Variants in LCORL observed in about 807,000 individuals in gnomAD.
The protein encoded by LCORL is ligand-dependent nuclear receptor corepressor-like protein.
Under a neutral mutation model 141.8 loss-of-function variants are expected in LCORL, and 41 were observed. The observed-to-expected ratio is 0.29, with a 90% CI of 0.23 to 0.38. LCORL has a LOEUF of 0.38. Ranked by LOEUF, LCORL falls within the 10% of genes least tolerant of loss-of-function variation. The pLI, the probability that LCORL is intolerant of heterozygous loss-of-function variation, is 1.00. For missense variants in LCORL, 1,759 were observed against 2,035.0 expected, an observed-to-expected ratio of 0.86 and a Z score of 2.61; for synonymous variants, 618 against 694.1, an observed-to-expected ratio of 0.89 and a Z score of 1.72.
chr4:17,924,216 G>C (rs141743829), intron 4 of LCORL, among the ~76,000 whole-genome samples: 9 of 152,162 alleles, frequency 5.9e-5, no homozygotes, highest in African/African-American at 1.9e-4. Flanking sequence ...TCACCAATGG[G>C]TGACCTCAGC....
At chr4:17,845,339 T>C (rs1445335906) in exon 8 of LCORL, 1 of 157,588 alleles carries the variant, frequency 6.3e-6, no homozygotes, top group East Asian at 1.9e-4. Context: ...GGTATCCACC[T>C]GTTTTACAAC....
At chr4:17,882,396 C>T (rs1226140168) in intron 6 of LCORL, 1 of 984,286 alleles carries the variant, frequency 1.0e-6, no homozygotes, top group Non-Finnish European at 1.2e-6. Flanking sequence ...AACATTTTAC[C>T]ACTACAGTTG....
chr4:17,849,712 A>C (rs996043264), intron 7 of LCORL, among the ~76,000 whole-genome samples: 11 of 152,196 alleles, frequency 7.2e-5, no homozygotes, highest in Non-Finnish European at 1.6e-4. Flanking sequence ...TGCCCAAGGT[A>C]ATTTATAGAT....
chr4:17,911,843 G>A (rs967899152), intron 4 of LCORL: 2 of 456,666 alleles, frequency 4.4e-6, no homozygotes, highest in Non-Finnish European at 4.2e-6. Context: ...TTCCAGGGCG[G>A]CTTGAGGTCC....
At chr4:17,966,928 A>G (rs916198645) in intron 2 of LCORL, among the ~76,000 whole-genome samples, 1 of 152,168 alleles carries the variant, frequency 6.6e-6, no homozygotes, top group African/African-American at 2.4e-5. Context: ...CTAAATATTT[A>G]CCCAAATGAG....
chr4:17,930,341 C>T (rs957721251), intron 4 of LCORL, among the ~76,000 whole-genome samples: 2 of 152,172 alleles, frequency 1.3e-5, no homozygotes, highest in Non-Finnish European at 2.9e-5. Context: ...CGTTTCCACA[C>T]ACAAACACGA....
intron 1 of LCORL, among the ~76,000 whole-genome samples, chr4:17,978,009 C>T (rs1717296052): frequency 2.0e-5 from 3 of 152,132 alleles, no homozygotes; most frequent in Admixed American, 2.0e-4. Context: ...CTAAATCCTC[C>T]ATTTCCCTCT....
Position 17,954,641 on chromosome 4 carries a change from T to C in LCORL, c.430+7262A>G, listed in dbSNP as rs150630247. Among the ~76,000 whole-genome samples the C allele has an allele frequency of 3.2e-3, 486 of 152,258 alleles. 2 individuals are homozygous for C. The highest frequency in any genetic ancestry group is 0.011 in the African/African-American group (441 of 41,552). ...CTAGTTAGAAGGCTCCTTAGTAGTA[T>C]AACCAGACCAGATGGGCCTCAGATT... On this transcript the variant is annotated intron_variant, in intron 4 of 7. Coordinates refer to ENST00000635767, the Ensembl canonical transcript of LCORL.
chr4:17,976,920 G>C (rs1049088747), intron 1 of LCORL, among the ~76,000 whole-genome samples: 4 of 152,100 alleles, frequency 2.6e-5, no homozygotes, highest in Admixed American at 2.6e-4. Flanking sequence ...GCAGTTTCAT[G>C]ATTATGTGTC....
chr4:17,855,430 C>T (rs1039859969), intron 7 of LCORL, among the ~76,000 whole-genome samples: 22 of 152,150 alleles, frequency 1.4e-4, no homozygotes, highest in African/African-American at 2.9e-4. Flanking sequence ...TGGTTTATAA[C>T]GTTCCGAAAC....
chr4:17,981,081 A>G (rs565337862), intron 1 of LCORL, among the ~76,000 whole-genome samples: 54 of 152,320 alleles, frequency 3.5e-4, no homozygotes, highest in South Asian at 2.9e-3. Context: ...GTTCATTTGT[A>G]TAAGTACATA....
intron 1 of LCORL, among the ~76,000 whole-genome samples, chr4:17,990,108 T>C (rs1270763891): frequency 6.7e-6 from 1 of 150,232 alleles, no homozygotes; most frequent in Non-Finnish European, 1.5e-5. Context: ...TTTTTTTTTT[T>C]TTTTTTTTGA....
At chr4:17,918,393 A>T (rs959463719) in intron 4 of LCORL, among the ~76,000 whole-genome samples, 1 of 152,208 alleles carries the variant, frequency 6.6e-6, no homozygotes, top group Non-Finnish European at 1.5e-5. Flanking sequence ...TATTGAACTT[A>T]TTAGACAAAA....
At chr4:18,016,388 T>C (rs1724641250) in intron 1 of LCORL, among the ~76,000 whole-genome samples, 1 of 152,202 alleles carries the variant, frequency 6.6e-6, no homozygotes, top group Non-Finnish European at 1.5e-5. Context: ...GTTTATTTGC[T>C]GTTTTACACT....
Position 17,875,558 on chromosome 4 carries a change from AAC to A in LCORL, c.3430_3431del (p.Val1144TyrfsTer9), listed in dbSNP as rs1726831728. 2 of 1,231,272 alleles carry A rather than the reference AAC, an allele frequency of 1.6e-6. No individual in the cohort carries two copies. Among genetic ancestry groups the A allele is most frequent in the Non-Finnish European group, 2.0e-6 (2 of 987,324 alleles). 76.3% of individuals were successfully genotyped at this position (1,231,272 alleles called of 1,614,324 possible). A position where few individuals can be genotyped will look rare whatever the true frequency, so the allele number is the denominator to read the frequency against. Reference sequence around the variant, plus strand: ...TAGTTCTTCTTGACCTTCCGTAAATAACAGTTACTGTAATACTCTTTTTATAA... The same window carrying A: ...TAGTTCTTCTTGACCTTCCGTAAATAAGTTACTGTAATACTCTTTTTATAA... On this transcript the variant is annotated frameshift_variant, in exon 7 of 8. Transcript: ENST00000635767. LOFTEE classifies it high-confidence loss of function.
At chr4:17,957,187 A>C (rs1365239110) in intron 4 of LCORL, among the ~76,000 whole-genome samples, 1 of 151,948 alleles carries the variant, frequency 6.6e-6, no homozygotes, top group Non-Finnish European at 1.5e-5. Context: ...AAGAAAGCAA[A>C]AAGCCTGGTA....
chr4:17,842,298 A>ACTAT (rs761196825), exon 8 of LCORL: 129 of 1,609,514 alleles, frequency 8.0e-5, no homozygotes, highest in East Asian at 6.3e-4. Context: ...AATGAATTAT[A>ACTAT]CTATCTTCAA....
chr4:17,914,763 TA>T (rs1415896696), intron 4 of LCORL, among the ~76,000 whole-genome samples: 1 of 152,236 alleles, frequency 6.6e-6, no homozygotes, highest in Non-Finnish European at 1.5e-5. Context: ...AAATAGGGTT[TA>T]CTGCCCCCTA....
chr4:17,941,323 A>G (rs1248069097), intron 4 of LCORL, among the ~76,000 whole-genome samples: 2 of 151,954 alleles, frequency 1.3e-5, no homozygotes, highest in African/African-American at 4.8e-5. Context: ...TATACTATAT[A>G]TGCACTTATA....
Sources: gnomAD v4.1 joint callset for allele counts (sites outside exome capture counted in the v4.1 genomes callset) on GRCh38, gnomAD v4.1.1 for gene constraint, MANE v1.5 for transcripts, NCBI Gene and HGNC (gene_info 2026-07-23, HGNC 2026-07-21) for gene names.